Variants in CNTNAP4 observed in about 807,000 individuals in gnomAD.
CNTNAP4 encodes contactin-associated protein-like 4.
A neutral mutation model predicts 148.4 loss-of-function variants in CNTNAP4; 98 were observed. The ratio of observed to expected loss-of-function variants is 0.66; its 90% confidence interval spans 0.56 to 0.78. The LOEUF is 0.78. Ranked by LOEUF, CNTNAP4 falls within the 30% of genes least tolerant of loss-of-function variation. CNTNAP4 has a pLI of 0.00. For synonymous variants in CNTNAP4, 730 were observed against 565.1 expected, an observed-to-expected ratio of 1.29 and a Z score of -4.14; for missense variants, 1,935 against 1,565.6, an observed-to-expected ratio of 1.24 and a Z score of -3.98.
chr16:76,377,234 T>C (rs2015513390), intron 3 of CNTNAP4, among the ~76,000 whole-genome samples: 1 of 152,192 alleles, frequency 6.6e-6, no homozygotes, highest in Non-Finnish European at 1.5e-5. Context: ...TTAGTGTCTA[T>C]GGATTTAAAT....
intron 3 of CNTNAP4, among the ~76,000 whole-genome samples, chr16:76,369,803 C>A (rs1359006573): frequency 6.6e-6 from 1 of 152,158 alleles, no homozygotes; most frequent in Non-Finnish European, 1.5e-5. Flanking sequence ...GATTGTGCCA[C>A]TGTACTCCAG....
chr16:76,449,038 A>T, intron 6 of CNTNAP4, 87 bp downstream of exon 6: 1 of 1,227,802 alleles, frequency 8.1e-7, no homozygotes, highest in South Asian at 1.3e-5. Flanking sequence ...TAAAGAGCCC[A>T]CCTTTTCAGT....
chr16:76,307,106 G>T (rs1344837805), intron 1 of CNTNAP4, among the ~76,000 whole-genome samples: 3 of 151,990 alleles, frequency 2.0e-5, no homozygotes, highest in African/African-American at 7.3e-5. Context: ...AACACAAAAA[G>T]CATGAGCAAA....
intron 17 of CNTNAP4, 102 bp downstream of exon 17, chr16:76,522,359 A>T: frequency 3.1e-6 from 3 of 953,422 alleles, no homozygotes. Flanking sequence ...AATAACAACA[A>T]GCAATAATAA....
chr16:76,419,292 C>A (rs956392141), intron 3 of CNTNAP4, among the ~76,000 whole-genome samples: 1 of 151,944 alleles, frequency 6.6e-6, no homozygotes, highest in African/African-American at 2.4e-5. Flanking sequence ...TACTGCCCCC[C>A]AGTTGGGAGA....
intron 2 of CNTNAP4, among the ~76,000 whole-genome samples, chr16:76,337,873 A>G (rs781256416): frequency 6.6e-6 from 1 of 152,220 alleles, no homozygotes; most frequent in Non-Finnish European, 1.5e-5. Context: ...GAAGAAAAAT[A>G]TGGCTCTATT....
intron 3 of CNTNAP4, among the ~76,000 whole-genome samples, chr16:76,403,528 T>G (rs1228872860): frequency 6.6e-6 from 1 of 152,166 alleles, no homozygotes; most frequent in Non-Finnish European, 1.5e-5. Flanking sequence ...ATGGCTATTA[T>G]TAAAAAGTTA....
At chr16:76,512,944 G>A (rs1375855724) in intron 15 of CNTNAP4, among the ~76,000 whole-genome samples, 5 of 152,140 alleles carry the variant, frequency 3.3e-5, no homozygotes, top group East Asian at 1.9e-4. Flanking sequence ...ATGTTATAGC[G>A]ACCTTGGTGA....
intron 4 of CNTNAP4, among the ~76,000 whole-genome samples, chr16:76,431,897 CAA>C (rs71885800): frequency 0.14 from 20,829 of 151,808 alleles, 1,613 homozygotes; most frequent in East Asian, 0.36. Flanking sequence ...TGGAAGGAAA[CAA>C]GAGATAATTA....
chr16:76,439,200 C>T (rs9888813), intron 4 of CNTNAP4, among the ~76,000 whole-genome samples: 97,136 of 151,814 alleles, frequency 0.64, 32,450 homozygotes, highest in African/African-American at 0.84. Flanking sequence ...GGTTAAATGG[C>T]TGAATTAAAA....
intron 3 of CNTNAP4, among the ~76,000 whole-genome samples, chr16:76,363,926 G>C (rs2013762847): frequency 6.6e-6 from 1 of 151,946 alleles, no homozygotes. Flanking sequence ...TGAGGTGCAT[G>C]TATATTGGAG....
chr16:76,400,291 T>A (rs1175137034), intron 3 of CNTNAP4, among the ~76,000 whole-genome samples: 2 of 152,196 alleles, frequency 1.3e-5, no homozygotes, highest in Non-Finnish European at 2.9e-5. Flanking sequence ...ATCCATCACC[T>A]CACATATTTT....
intron 4 of CNTNAP4, among the ~76,000 whole-genome samples, chr16:76,433,065 T>TCAAA (rs2079668284): frequency 2.0e-5 from 3 of 152,268 alleles, no homozygotes; most frequent in Admixed American, 2.0e-4. Context: ...CTGGGAATGT[T>TCAAA]TCCACCCACT....
chr16:76,397,406 G>A (rs997760735), intron 3 of CNTNAP4, among the ~76,000 whole-genome samples: 5 of 151,906 alleles, frequency 3.3e-5, no homozygotes, highest in Non-Finnish European at 7.4e-5. Flanking sequence ...AGTGAGAATG[G>A]GACAAGCAGA....
At chr16:76,440,719 C>G (rs1403905268) in intron 4 of CNTNAP4, among the ~76,000 whole-genome samples, 2 of 152,054 alleles carry the variant, frequency 1.3e-5, no homozygotes, top group African/African-American at 4.8e-5. Flanking sequence ...TAGGCCAAGC[C>G]CAGGAAGTAG....
chr16:76,335,146 C>A (rs887702143), intron 2 of CNTNAP4, among the ~76,000 whole-genome samples: 1 of 151,990 alleles, frequency 6.6e-6, no homozygotes, highest in Non-Finnish European at 1.5e-5. Flanking sequence ...GTGAAGTGAT[C>A]AGTAGATTCT....
intron 4 of CNTNAP4, among the ~76,000 whole-genome samples, chr16:76,438,122 TG>T (rs1361577395): frequency 2.6e-5 from 4 of 152,036 alleles, no homozygotes; most frequent in Non-Finnish European, 5.9e-5. Context: ...TACTAGGAAG[TG>T]GGGACAGAGG....
At chr16:76,455,562 TCC>T (rs762154205) in intron 8 of CNTNAP4, among the ~76,000 whole-genome samples, 1 of 152,200 alleles carries the variant, frequency 6.6e-6, no homozygotes, top group Non-Finnish European at 1.5e-5. Flanking sequence ...ACTTCTGCTC[TCC>T]ACCAAAGTGA....
chr16:76,534,979 A>G (rs2084154484), intron 17 of CNTNAP4, among the ~76,000 whole-genome samples: 1 of 152,202 alleles, frequency 6.6e-6, no homozygotes, highest in South Asian at 2.1e-4. Context: ...TGAACACTAG[A>G]CTAATCTTTA....
Sources: gnomAD v4.1 joint callset for allele counts (sites outside exome capture counted in the v4.1 genomes callset) on GRCh38, gnomAD v4.1.1 for gene constraint, MANE v1.5 for transcripts, NCBI Gene and HGNC (gene_info 2026-07-23, HGNC 2026-07-21) for gene names.